OPN3: variants seen among roughly 807,000 people sequenced by gnomAD.
OPN3 encodes the protein opsin-3.
In OPN3, 29 loss-of-function variants were observed where a neutral mutation model predicts 33.8. The ratio of observed to expected loss-of-function variants is 0.86; its 90% CI spans 0.64 to 1.17. The LOEUF is 1.17. Among genes scored for constraint, OPN3 ranks in the 50% most tolerant of loss-of-function variants. OPN3 has a pLI of 0.00. For synonymous variants in OPN3, 216 were observed against 216.1 expected, an observed-to-expected ratio of 1.00 and a Z score of 0.00; for missense variants, 437 against 514.1, an observed-to-expected ratio of 0.85 and a Z score of 1.45.
At chr1:241,620,914 T>G (rs1664255550) in intron 1 of OPN3, among the ~76,000 whole-genome samples, 1 of 152,106 alleles carries the variant, frequency 6.6e-6, no homozygotes. Flanking sequence ...TATAAAGATA[T>G]ACTCTGAAGC....
At chr1:241,628,033 T>G (rs776752702) in intron 1 of OPN3, among the ~76,000 whole-genome samples, 13 of 152,208 alleles carry the variant, frequency 8.5e-5, no homozygotes, top group Non-Finnish European at 1.9e-4. Flanking sequence ...GTGAAAAACT[T>G]AACTCACTGA....
intron 1 of OPN3, among the ~76,000 whole-genome samples, chr1:241,637,251 G>A (rs1167688005): frequency 6.6e-6 from 1 of 152,128 alleles, no homozygotes; most frequent in East Asian, 1.9e-4. Context: ...CCTGGATACT[G>A]GAAAAACAAG....
intron 2 of OPN3, among the ~76,000 whole-genome samples, 194 bp downstream of exon 2, chr1:241,604,066 A>G (rs769082285): frequency 6.6e-6 from 1 of 152,182 alleles, no homozygotes; most frequent in Non-Finnish European, 1.5e-5. Context: ...ATGTAGAGAG[A>G]GTAAATGCTA....
At chr1:241,601,322 T>G (rs1030874376) in intron 2 of OPN3, 5 of 151,452 alleles carry the variant, frequency 3.3e-5, no homozygotes, top group Non-Finnish European at 7.4e-5. Flanking sequence ...AAGAATGGAA[T>G]AGAGGAAAGC....
intron 2 of OPN3, among the ~76,000 whole-genome samples, chr1:241,599,594 T>C (rs1558437256): frequency 6.6e-6 from 1 of 152,160 alleles, no homozygotes; most frequent in Non-Finnish European, 1.5e-5. Flanking sequence ...ACTGTTTTAT[T>C]TAATGGGATA....
At chr1:241,622,001 T>C (rs918116572) in intron 1 of OPN3, among the ~76,000 whole-genome samples, 4 of 152,172 alleles carry the variant, frequency 2.6e-5, no homozygotes, top group African/African-American at 7.2e-5. Flanking sequence ...CTGTGGACTT[T>C]TGAATTTCTT....
intron 1 of OPN3, among the ~76,000 whole-genome samples, chr1:241,615,014 G>A (rs904771491): frequency 6.6e-6 from 1 of 152,146 alleles, no homozygotes; most frequent in Admixed American, 6.5e-5. Context: ...TGCTCGTCAG[G>A]AAAGGATATT....
intron 2 of OPN3, among the ~76,000 whole-genome samples, chr1:241,603,264 G>T (rs752553911): frequency 2.6e-5 from 4 of 152,134 alleles, no homozygotes; most frequent in African/African-American, 4.8e-5. Flanking sequence ...GGAGTCAAAG[G>T]AACCCTTGAT....
chr1:241,610,121 C>A (rs897105461), intron 1 of OPN3, among the ~76,000 whole-genome samples: 2 of 152,240 alleles, frequency 1.3e-5, no homozygotes, highest in African/African-American at 4.8e-5. Context: ...AAAATCAAAT[C>A]TCGTTGGCAT....
At chr1:241,598,131 G>C in intron 2 of OPN3, 134 bp from the exon 3 acceptor site, 1 of 1,006,174 alleles carries the variant, frequency 9.9e-7, no homozygotes, top group Non-Finnish European at 1.4e-6. Flanking sequence ...CACCTTGGCA[G>C]GCTGACTTCT....
At chr1:241,602,499 GT>G (rs552047840) in intron 2 of OPN3, among the ~76,000 whole-genome samples, 4 of 152,166 alleles carry the variant, frequency 2.6e-5, no homozygotes, top group Non-Finnish European at 5.9e-5. Context: ...ATTTCTCACA[GT>G]TCTGGAGGCT....
At chr1:241,633,858 T>A in intron 1 of OPN3, 1 of 1,613,926 alleles carries the variant, frequency 6.2e-7, no homozygotes, top group South Asian at 1.1e-5. Flanking sequence ...GATTCTAGTT[T>A]GGCCATTACT....
At chr1:241,602,667 G>C (rs917213550) in intron 2 of OPN3, among the ~76,000 whole-genome samples, 4 of 152,000 alleles carry the variant, frequency 2.6e-5, no homozygotes, top group African/African-American at 9.7e-5. Flanking sequence ...TAGAGAGAGA[G>C]AGAGAAAGAG....
Position 241,594,386 on chromosome 1 carries a change from C to T in OPN3, c.*42G>A. The T allele has an allele frequency of 6.3e-7, 1 of 1,584,916 alleles. No individual in the cohort carries two copies. Among genetic ancestry groups the T allele is most frequent in the South Asian group, 1.2e-5 (1 of 86,070 alleles). On this transcript the variant is annotated 3_prime_UTR_variant, in exon 4 of 4. Transcript: ENST00000366554. The stretch of plus-strand genomic sequence containing the variant: ...TCTTATGATGAAAGTCCAAAAGTGG[C>T]ATCCAATTTAAGGCCCCATCTTTCG...
chr1:241,635,817 G>A, intron 1 of OPN3: 1 of 1,524,314 alleles, frequency 6.6e-7, no homozygotes, highest in Non-Finnish European at 8.9e-7. Flanking sequence ...GAAATGAGGT[G>A]TGATTATGCT....
At position 241,597,817 on chromosome 1, in the gene OPN3, T is replaced by C. The variant is rs759337079; in HGVS notation, c.874A>G (p.Ile292Val). 3.1e-6 allele frequency: 5 copies of C among 1,613,628 alleles called. No homozygotes were observed. The African/African-American group carries it at 6.7e-5, about 22-fold the overall frequency. The change falls in exon 3 of 4, where the codon ATT becomes GTT. Residue 292 changes from isoleucine (I) to valine (V), a missense_variant. By Grantham distance (29) the Ile-to-Val change is conservative (BLOSUM62 3). Transcript: ENST00000366554. ...HGHLVTPTIS[I>V]VSYLFAKSNT... is the part of the protein sequence containing the mutation. ...GATTTAGCAAAGAGGTACGAAACAA[T>C]AGATATTGTTGGAGTGACCAGGTGA...
At position 241,615,675 on chromosome 1, in the gene OPN3, A is replaced by G. The variant is rs55745106; in HGVS notation, c.374-11096T>C. 4.0e-3 allele frequency among the ~76,000 whole-genome samples: 613 copies of G among 152,294 alleles called. 4 individuals are homozygous for G. Among genetic ancestry groups the G allele is most frequent in the Non-Finnish European group, 6.5e-3 (443 of 68,024 alleles). ...AGCCTTTGTCATCCTCCTGGGCACC[A>G]CATACCAGATTAATCATTGACTGGA... On this transcript the variant is annotated intron_variant, in intron 1 of 3. Transcript: ENST00000366554.
intron 1 of OPN3, among the ~76,000 whole-genome samples, chr1:241,604,965 G>A (rs1663786485): frequency 6.6e-6 from 1 of 151,832 alleles, no homozygotes. Context: ...TGAGGCAGGA[G>A]GGTTGCTTGA....
At chr1:241,627,921 A>G (rs1236094369) in intron 1 of OPN3, among the ~76,000 whole-genome samples, 1 of 152,120 alleles carries the variant, frequency 6.6e-6, no homozygotes, top group Admixed American at 6.6e-5. Flanking sequence ...ATTTCTTTAT[A>G]CTTCCTCTCC....
Sources: allele counts gnomAD v4.1 joint callset (sites outside exome capture counted in the v4.1 genomes callset), GRCh38; gene constraint gnomAD v4.1.1; transcripts MANE v1.5; gene names NCBI Gene and HGNC (gene_info 2026-07-23, HGNC 2026-07-21).